The following RTN4 variants were observed in gnomAD, a reference collection of about 807,000 sequenced individuals.
The protein encoded by RTN4 is reticulon-4.
Under a neutral mutation model 90.4 loss-of-function variants are expected in RTN4, and 32 were observed. The ratio of observed to expected loss-of-function variants is 0.35; its 90% CI spans 0.27 to 0.48. The LOEUF is 0.48. Ranked by LOEUF, RTN4 falls within the 20% of genes least tolerant of loss-of-function variation. RTN4 has a pLI of 0.99. For synonymous variants in RTN4, 629 were observed against 552.5 expected, an observed-to-expected ratio of 1.14 and a Z score of -1.94; for missense variants, 1,706 against 1,430.2, an observed-to-expected ratio of 1.19 and a Z score of -3.11.
intron 1 of RTN4, among the ~76,000 whole-genome samples, chr2:55,034,795 T>A (rs2920859): frequency 0.85 from 129,921 of 152,208 alleles, 55,911 homozygotes; most frequent in African/African-American, 0.97. Context: ...AAGCACAAAT[T>A]ATCACAAAAT....
At chr2:55,118,644 T>A in the RTN4 span, among the ~76,000 whole-genome samples, 1 of 152,164 alleles carries the variant, frequency 6.6e-6, no homozygotes, top group Admixed American at 6.5e-5. Flanking sequence ...ATCAATTATC[T>A]GTGTCAAGTT....
chr2:55,111,271 G>A (rs931395862), intron 1 of RTN4, among the ~76,000 whole-genome samples: 3 of 151,572 alleles, frequency 2.0e-5, no homozygotes, highest in Non-Finnish European at 2.9e-5. Flanking sequence ...TCACTCTTCC[G>A]AGATTTTAAA....
At chr2:54,979,726 G>C (rs1466513317) in intron 5 of RTN4, among the ~76,000 whole-genome samples, 2 of 152,208 alleles carry the variant, frequency 1.3e-5, no homozygotes, top group Admixed American at 6.5e-5. Context: ...TTCATGGGGA[G>C]AAAAGGACAG....
intron 1 of RTN4, among the ~76,000 whole-genome samples, chr2:55,085,318 C>T (rs945963900): frequency 4.9e-5 from 7 of 142,722 alleles, no homozygotes; most frequent in African/African-American, 1.7e-4. Context: ...TATACACCCA[C>T]ACACACACAC....
At chr2:54,980,834 T>A (rs1258789767) in intron 5 of RTN4, among the ~76,000 whole-genome samples, 2 of 152,184 alleles carry the variant, frequency 1.3e-5, no homozygotes, top group Non-Finnish European at 2.9e-5. Flanking sequence ...TCCTCCTCAA[T>A]CACTTTTCAC....
intron 2 of RTN4, among the ~76,000 whole-genome samples, chr2:55,056,249 C>T (rs72912597): frequency 0.017 from 2,641 of 152,240 alleles, 76 homozygotes; most frequent in African/African-American, 0.061. Context: ...ACACTATCTA[C>T]GCTCCCTGCC....
intron 2 of RTN4, among the ~76,000 whole-genome samples, chr2:55,062,815 T>C (rs1668324540): frequency 1.3e-5 from 2 of 152,250 alleles, no homozygotes; most frequent in South Asian, 4.1e-4. Context: ...TTAACATCAA[T>C]TGAAAATCCT....
chr2:55,086,609 G>T (rs1166012203), intron 1 of RTN4, among the ~76,000 whole-genome samples: 1 of 152,036 alleles, frequency 6.6e-6, no homozygotes, highest in African/African-American at 2.4e-5. Context: ...TTTCGAGGCT[G>T]CAGTGAGCTG....
chr2:55,049,732 T>C lies in RTN4; in HGVS notation c.556+13A>G. The stretch of plus-strand genomic sequence containing the variant: ...GCGAGGGGCGGCGCGAAGCGAGAGG[T>C]CGCGGCACTCACCCACTGAGCCCGA... On this transcript the variant is annotated intron_variant, in intron 1 of 8. Transcript: ENST00000337526. 1 of 1,388,288 alleles carries C rather than the reference T, an allele frequency of 7.2e-7. No individual in the cohort carries two copies. 86.0% of individuals were successfully genotyped at this position (1,388,288 alleles called of 1,614,324 possible).
In RTN4 at chr2:55,064,204, T is replaced by TAA. The variant is rs35994756; in HGVS notation, c.-63+16283_-63+16284dup. Among the ~76,000 whole-genome samples, 728 of 139,524 alleles carry TAA rather than the reference T, an allele frequency of 5.2e-3. 9 individuals are homozygous for TAA. Among genetic ancestry groups the TAA allele is most frequent in the African/African-American group, 0.013 (480 of 37,462 alleles). 91.5% of individuals were successfully genotyped at this position (139,524 alleles called of 152,430 possible). The stretch of plus-strand genomic sequence containing the variant: ...TGGGCAATAGAGCAAGACCATGTCT[T>TAA]AAAAAAAAAAAAAGAAAGAAAAGAA... On this transcript the variant is annotated intron_variant, in intron 2 of 3. Coordinates refer to the RTN4 transcript ENST00000427710.
intron 3 of RTN4, among the ~76,000 whole-genome samples, chr2:55,002,327 AG>A (rs1236027736): frequency 6.6e-6 from 1 of 152,122 alleles, no homozygotes; most frequent in Non-Finnish European, 1.5e-5. Context: ...CCAAAGTGCT[AG>A]GATTACAGGC....
chr2:55,019,058 G>T (rs1681241342), intron 3 of RTN4, among the ~76,000 whole-genome samples: 1 of 152,080 alleles, frequency 6.6e-6, no homozygotes, highest in African/African-American at 2.4e-5. Flanking sequence ...GCATGTCCCT[G>T]AGCCTACCTG....
In RTN4 at chr2:55,035,289, A is replaced by G. The variant is rs555916560; in HGVS notation, c.557-7069T>C. On this transcript the variant is annotated intron_variant, in intron 1 of 8. Transcript: ENST00000337526. ...TTTCCTGGGCTACAAAACAATCTCA[A>G]TCTAAAACAAGTGAAATCATGCAGT... 6.6e-5 allele frequency among the ~76,000 whole-genome samples: 10 copies of G among 152,336 alleles called. No individual in the cohort carries two copies. The South Asian group carries it at 1.9e-3, about 28-fold the overall frequency.
Position 54,972,387 on chromosome 2 carries a change from A to AAATT in RTN4, c.*765_*768dup, listed in dbSNP as rs1276395113. ...GATTCAGTCCATAGATTCTGTGACA[A>AAATT]AATTAACTACAGTCAGTCTGTGCAA... On this transcript the variant is annotated 3_prime_UTR_variant, in exon 9 of 9. Coordinates refer to ENST00000337526, the MANE Select transcript of RTN4 (RefSeq NM_020532.5). 2 of 152,438 alleles carry AAATT rather than the reference A, an allele frequency of 1.3e-5. No individual in the cohort carries two copies. Among genetic ancestry groups the AAATT allele is most frequent in the East Asian group, 3.9e-4 (2 of 5,146 alleles). The allele number at this position is 152,438 out of a possible 1,614,324, so 9.4% of individuals were successfully genotyped here.
At chr2:55,045,333 A>G (rs1683349931) in intron 1 of RTN4, among the ~76,000 whole-genome samples, 1 of 152,188 alleles carries the variant, frequency 6.6e-6, no homozygotes, top group Non-Finnish European at 1.5e-5. Context: ...TTCGTAAACT[A>G]ACTATAAAAA....
chr2:55,073,727 A>C (rs1043965076), intron 2 of RTN4, among the ~76,000 whole-genome samples: 1 of 152,250 alleles, frequency 6.6e-6, no homozygotes, highest in Admixed American at 6.5e-5. Flanking sequence ...TGCTGATTCT[A>C]TGCACTGAAA....
chr2:55,128,185 G>T, the RTN4 span, among the ~76,000 whole-genome samples: 1 of 152,042 alleles, frequency 6.6e-6, no homozygotes, highest in African/African-American at 2.4e-5. Context: ...TGCCTTTGAG[G>T]ACAGAGCATG....
At chr2:55,074,167 G>A (rs1668561424) in intron 2 of RTN4, among the ~76,000 whole-genome samples, 2 of 152,172 alleles carry the variant, frequency 1.3e-5, no homozygotes, top group South Asian at 4.1e-4. Context: ...ATGGAAGTTG[G>A]TAGTGACTCT....
At chr2:55,108,736 T>G (rs1166680335) in intron 1 of RTN4, among the ~76,000 whole-genome samples, 1 of 151,886 alleles carries the variant, frequency 6.6e-6, no homozygotes, top group African/African-American at 2.4e-5. Flanking sequence ...GTAATTGCGG[T>G]TTTTGCCTTT....
Sources: allele counts gnomAD v4.1 joint callset (sites outside exome capture counted in the v4.1 genomes callset), GRCh38; gene constraint gnomAD v4.1.1; transcripts MANE v1.5; gene names NCBI Gene and HGNC (gene_info 2026-07-23, HGNC 2026-07-21).